DNAH12: variants seen among roughly 807,000 people sequenced by gnomAD.
DNAH12 encodes dynein axonemal heavy chain 12.
Under a neutral mutation model 371.5 loss-of-function variants are expected in DNAH12, and 285 were observed. The observed-to-expected ratio is 0.77, with a 90% CI of 0.70 to 0.85. DNAH12 has a LOEUF of 0.85. DNAH12 is among the 40% of genes least tolerant of loss of function. The pLI, the probability that DNAH12 is intolerant of heterozygous loss-of-function variation, is 0.00. For synonymous variants in DNAH12, 1,200 were observed against 1,213.0 expected (o/e 0.99, Z 0.22); for missense variants, 3,611 against 3,689.4 (o/e 0.98, Z 0.55).
intron 31 of DNAH12, 28 bp downstream of exon 31, chr3:57,433,617 G>T: frequency 6.5e-7 from 1 of 1,533,372 alleles, no homozygotes; most frequent in Non-Finnish European, 8.8e-7. Flanking sequence ...TTCCATAAGA[G>T]AGTTGGGAAT....
At position 57,331,618 on chromosome 3, in the gene DNAH12, C is replaced by T. The variant is rs768484181; in HGVS notation, c.9978+2847G>A. Among the ~76,000 whole-genome samples, 9 of 152,000 alleles carry T rather than the reference C, an allele frequency of 5.9e-5. No homozygotes were observed. In the East Asian group the frequency reaches 1.2e-3, roughly 20 times the overall value. On this transcript the variant is annotated intron_variant, in intron 62 of 73. Transcript: ENST00000495027. ...TGTTCCTTGTGAGACTTTACTAAAA[C>T]GGTAAAATTTTTTTCTTTTAAAAAA...
rs200375702 is a variant in DNAH12 at position 57,542,806 on chromosome 3, G to A, written c.65C>T (p.Pro22Leu). The A allele has an allele frequency of 2.2e-4, 354 of 1,608,990 alleles. No homozygotes were observed. Among genetic ancestry groups the A allele is most frequent in the Non-Finnish European group, 2.7e-4 (321 of 1,178,326 alleles). The change falls in exon 2 of 74, where the codon CCC becomes CTC. Residue 22 changes from proline to leucine, a missense_variant. Transcript: ENST00000495027. ...EKEALNLKLPPIVHLPENIGV... is the reference protein window; with the variant it reads ...EKEALNLKLPLIVHLPENIGV... ...TATGTTTTCTGGGAGATGGACAATG[G>A]GGGGTAACTTCAAGTTCAGAGCTTC...
At chr3:57,404,652 G>A (rs947536256) in intron 42 of DNAH12, among the ~76,000 whole-genome samples, 1 of 152,122 alleles carries the variant, frequency 6.6e-6, no homozygotes, top group African/African-American at 2.4e-5. Flanking sequence ...CCCGGGAGGT[G>A]GAGGTTGCAG....
At chr3:57,327,818 C>T (rs1335071837) in intron 62 of DNAH12, among the ~76,000 whole-genome samples, 2 of 151,786 alleles carry the variant, frequency 1.3e-5, no homozygotes, top group African/African-American at 2.4e-5. Context: ...GCTAGCAAGA[C>T]TAATAAAGAA....
chr3:57,333,362 G>C lies in DNAH12; in HGVS notation c.9978+1103C>G, dbSNP rs1038458876. On this transcript the variant is annotated intron_variant, in intron 62 of 73. Coordinates refer to ENST00000495027, the MANE Select transcript of DNAH12 (RefSeq NM_001366028.2). ...TTTTTTTTTTTTTAGATGGAGTCTC[G>C]CTCTGTCACCCAGGCTGTAGCGCAG... Among the ~76,000 whole-genome samples, 23 of 118,224 alleles carry C rather than the reference G, an allele frequency of 1.9e-4. No individual in the cohort carries two copies. The East Asian group carries it at 3.3e-3, about 17-fold the overall frequency. 77.6% of individuals were successfully genotyped at this position (118,224 alleles called of 152,430 possible).
intron 16 of DNAH12, among the ~76,000 whole-genome samples, chr3:57,470,231 C>T (rs1232076918): frequency 6.6e-6 from 1 of 151,988 alleles, no homozygotes; most frequent in Non-Finnish European, 1.5e-5. Flanking sequence ...AATCATTATG[C>T]TCATAAACCA....
chr3:57,417,937 G>A (rs1300622453), intron 37 of DNAH12, among the ~76,000 whole-genome samples: 1 of 152,066 alleles, frequency 6.6e-6, no homozygotes, highest in Non-Finnish European at 1.5e-5. Flanking sequence ...GATCATTTGA[G>A]GCCAGGAGTT....
chr3:57,479,598 C>A (rs1387442236), intron 13 of DNAH12, among the ~76,000 whole-genome samples: 1 of 152,146 alleles, frequency 6.6e-6, no homozygotes, highest in Non-Finnish European at 1.5e-5. Context: ...AACTCTCCAC[C>A]CCAAATCAAC....
intron 32 of DNAH12, among the ~76,000 whole-genome samples, chr3:57,430,721 T>G (rs1158390415): frequency 1.3e-5 from 2 of 152,208 alleles, no homozygotes; most frequent in Admixed American, 6.5e-5. Context: ...TTTTAAATTC[T>G]TGTACATTTA....
At chr3:57,408,053 G>A (rs1287888201) in intron 40 of DNAH12, among the ~76,000 whole-genome samples, 1 of 151,940 alleles carries the variant, frequency 6.6e-6, no homozygotes. Flanking sequence ...AACAGCCTCT[G>A]GAATGTCAAA....
At chr3:57,472,163 A>T (rs1426240593) in intron 14 of DNAH12, among the ~76,000 whole-genome samples, 2 of 152,212 alleles carry the variant, frequency 1.3e-5, no homozygotes, top group African/African-American at 4.8e-5. Context: ...TGTAAATTTT[A>T]TCACTGTGAT....
intron 29 of DNAH12, among the ~76,000 whole-genome samples, chr3:57,442,144 G>T (rs2065326893): frequency 6.6e-6 from 1 of 152,108 alleles, no homozygotes; most frequent in Non-Finnish European, 1.5e-5. Flanking sequence ...CAGACAAAAG[G>T]TGAGGGAATT....
At chr3:57,341,265 G>A (rs944506566) in intron 60 of DNAH12, among the ~76,000 whole-genome samples, 26 of 148,656 alleles carry the variant, frequency 1.7e-4, no homozygotes, top group Admixed American at 1.1e-3. Flanking sequence ...ATTAGGCAAG[G>A]GGAAAAAAAT....
At chr3:57,456,559 G>A (rs1183356958) in intron 22 of DNAH12, among the ~76,000 whole-genome samples, 1 of 152,062 alleles carries the variant, frequency 6.6e-6, no homozygotes, top group Non-Finnish European at 1.5e-5. Flanking sequence ...TTTAATGTTT[G>A]TTCATCTCAT....
At chr3:57,316,704 C>T (rs1451267216) in intron 65 of DNAH12, among the ~76,000 whole-genome samples, 2 of 152,280 alleles carry the variant, frequency 1.3e-5, no homozygotes, top group Non-Finnish European at 2.9e-5. Context: ...TTCCCCCATA[C>T]TGTTCTTGTG....
chr3:57,466,756 AT>A (rs1270120405), intron 17 of DNAH12, among the ~76,000 whole-genome samples: 1 of 150,770 alleles, frequency 6.6e-6, no homozygotes, highest in Non-Finnish European at 1.5e-5. Flanking sequence ...TTATGCCCTT[AT>A]TTTTTTTTGA....
intron 69 of DNAH12, 107 bp downstream of exon 69, chr3:57,309,044 A>C (rs1028585725): frequency 1.8e-5 from 14 of 761,310 alleles, no homozygotes; most frequent in Admixed American, 3.2e-5. Context: ...CTCTCTTCAT[A>C]CCACCCTCAA....
At chr3:57,334,352 T>TAA (rs1236899307) in intron 62 of DNAH12, 113 bp downstream of exon 62, 84 of 1,181,520 alleles carry the variant, frequency 7.1e-5, no homozygotes, top group Non-Finnish European at 9.1e-5. Flanking sequence ...CAATGAACTG[T>TAA]AAGCTGGATA....
chr3:57,422,065 C>T (rs1367327787), intron 35 of DNAH12, among the ~76,000 whole-genome samples: 4 of 150,904 alleles, frequency 2.7e-5, no homozygotes, highest in Non-Finnish European at 5.9e-5. Context: ...CACCACAAAG[C>T]CTGACTAATT....
Sources: gnomAD v4.1 joint callset for allele counts (sites outside exome capture counted in the v4.1 genomes callset) on GRCh38, gnomAD v4.1.1 for gene constraint, MANE v1.5 for transcripts, NCBI Gene and HGNC (gene_info 2026-07-23, HGNC 2026-07-21) for gene names.